The following UMAD1 variants were observed in gnomAD, a reference collection of about 807,000 sequenced individuals.
UMAD1 encodes the protein UBAP1-MVB12-associated (UMA)-domain containing protein 1.
A neutral mutation model predicts 6.1 loss-of-function variants in UMAD1; 8 were observed. That is an observed-to-expected ratio of 1.30 (90% confidence interval 0.76 to 2.35). The LOEUF is 2.35. Among genes scored for constraint, UMAD1 ranks in the 30% most tolerant of loss-of-function variants. UMAD1 has a pLI of 0.00. For missense variants in UMAD1, 130 were observed against 78.4 expected (o/e 1.66, Z -2.49); for synonymous variants, 56 against 31.4 (o/e 1.78, Z -2.61).
At chr7:7,720,530 A>G (rs941762245) in intron 2 of UMAD1, among the ~76,000 whole-genome samples, 6 of 152,196 alleles carry the variant, frequency 3.9e-5, no homozygotes, top group Non-Finnish European at 5.9e-5. Context: ...GTACAGTACT[A>G]TAGTGCTGAC....
At chr7:7,684,306 A>G (rs775940436) in intron 2 of UMAD1, among the ~76,000 whole-genome samples, 1 of 152,014 alleles carries the variant, frequency 6.6e-6, no homozygotes, top group African/African-American at 2.4e-5. Context: ...CGTTCAAGCA[A>G]TTCTCATGCC....
At chr7:7,646,456 A>G (rs192413654) in intron 1 of UMAD1, among the ~76,000 whole-genome samples, 126 of 142,254 alleles carry the variant, frequency 8.9e-4, no homozygotes, top group Non-Finnish European at 1.5e-3. Flanking sequence ...TGATGGCTTT[A>G]TAAGGGGAAA....
intron 2 of UMAD1, chr7:7,741,981 C>A: frequency 3.7e-6 from 1 of 273,508 alleles, no homozygotes; most frequent in Admixed American, 4.5e-5. Flanking sequence ...TTACCAACTG[C>A]CTCTGAAAAA....
chr7:7,694,845 CAT>C (rs1780269244), intron 2 of UMAD1, among the ~76,000 whole-genome samples: 2 of 152,180 alleles, frequency 1.3e-5, no homozygotes, highest in South Asian at 2.1e-4. Flanking sequence ...CTGCAATAAA[CAT>C]GTGAGTACAG....
intron 2 of UMAD1, among the ~76,000 whole-genome samples, chr7:7,780,489 T>C (rs1410744449): frequency 6.6e-6 from 1 of 152,240 alleles, no homozygotes; most frequent in Non-Finnish European, 1.5e-5. Context: ...TTAAAAACTT[T>C]CTATTGATGA....
At chr7:7,704,598 G>GAAAAAA (rs35661728) in intron 2 of UMAD1, among the ~76,000 whole-genome samples, 1 of 93,634 alleles carries the variant, frequency 1.1e-5, no homozygotes, top group African/African-American at 3.9e-5. Flanking sequence ...TACTAAAATA[G>GAAAAAA]AAAAAAAAAA....
At chr7:7,647,228 A>G (rs1034598049) in intron 1 of UMAD1, among the ~76,000 whole-genome samples, 1 of 152,156 alleles carries the variant, frequency 6.6e-6, no homozygotes, top group African/African-American at 2.4e-5. Context: ...AGTTTTCAGC[A>G]TATTTCTTTT....
intron 1 of UMAD1, among the ~76,000 whole-genome samples, chr7:7,647,777 C>T (rs1785129307): frequency 6.6e-6 from 1 of 152,104 alleles, no homozygotes. Flanking sequence ...AAAATAAAAT[C>T]TTTCTTTTGT....
chr7:7,752,061 T>C (rs1781688152), intron 2 of UMAD1, among the ~76,000 whole-genome samples: 1 of 152,198 alleles, frequency 6.6e-6, no homozygotes, highest in Non-Finnish European at 1.5e-5. Flanking sequence ...CTAATTTAGG[T>C]ACATAGGGTT....
At chr7:7,826,723 A>G (rs867499545) in intron 3 of UMAD1, among the ~76,000 whole-genome samples, 2 of 152,126 alleles carry the variant, frequency 1.3e-5, no homozygotes, top group Non-Finnish European at 2.9e-5. Context: ...TGAAAGCCCC[A>G]TATAACAGCT....
intron 2 of UMAD1, among the ~76,000 whole-genome samples, chr7:7,701,670 T>C (rs935815143): frequency 1.3e-5 from 2 of 152,220 alleles, no homozygotes; most frequent in African/African-American, 4.8e-5. Flanking sequence ...ATTAGGAGGC[T>C]GATTAGGATG....
At chr7:7,802,235 G>A (rs1782815928) in intron 3 of UMAD1, among the ~76,000 whole-genome samples, 1 of 152,210 alleles carries the variant, frequency 6.6e-6, no homozygotes, top group South Asian at 2.1e-4. Context: ...AAAATTAGCT[G>A]GGCATGGTGG....
intron 2 of UMAD1, among the ~76,000 whole-genome samples, chr7:7,732,203 T>G (rs1480115320): frequency 6.6e-6 from 1 of 152,090 alleles, no homozygotes; most frequent in East Asian, 1.9e-4. Flanking sequence ...CCAACTGATA[T>G]GTTTTTGTTA....
intron 3 of UMAD1, among the ~76,000 whole-genome samples, chr7:7,858,722 G>A (rs1784063968): frequency 6.6e-6 from 1 of 152,200 alleles, no homozygotes; most frequent in African/African-American, 2.4e-5. Context: ...GGCCAGGAAG[G>A]AAGTGTGTGA....
At chr7:7,731,963 G>C (rs77902501) in intron 2 of UMAD1, among the ~76,000 whole-genome samples, 7,177 of 152,148 alleles carry the variant, frequency 0.047, 223 homozygotes, top group Middle Eastern at 0.12. Flanking sequence ...CTGTACAATG[G>C]AGACAGTAAG....
chr7:7,682,331 C>T (rs1779932330), intron 2 of UMAD1, among the ~76,000 whole-genome samples: 1 of 146,828 alleles, frequency 6.8e-6, no homozygotes, highest in South Asian at 2.1e-4. Context: ...TCTCAATGAT[C>T]AGTCAGATAT....
chr7:7,712,994 G>A (rs1780805371), intron 2 of UMAD1, among the ~76,000 whole-genome samples: 1 of 152,034 alleles, frequency 6.6e-6, no homozygotes, highest in South Asian at 2.1e-4. Context: ...TTGCAGACTA[G>A]CCTATTGTGT....
At chr7:7,749,788 C>G (rs548190163) in intron 2 of UMAD1, among the ~76,000 whole-genome samples, 84 of 152,204 alleles carry the variant, frequency 5.5e-4, no homozygotes, top group Non-Finnish European at 7.9e-4. Context: ...ACATTTATTA[C>G]ACAGAAAACG....
At chr7:7,811,750 T>C (rs1783025898) in intron 3 of UMAD1, among the ~76,000 whole-genome samples, 1 of 152,190 alleles carries the variant, frequency 6.6e-6, no homozygotes, top group South Asian at 2.1e-4. Context: ...AATCAAGCTT[T>C]ATGGCCTGTT....
Sources: gnomAD v4.1 joint callset for allele counts (sites outside exome capture counted in the v4.1 genomes callset) on GRCh38, gnomAD v4.1.1 for gene constraint, MANE v1.5 for transcripts, NCBI Gene and HGNC (gene_info 2026-07-23, HGNC 2026-07-21) for gene names.